KCNE3: variants seen among roughly 807,000 people sequenced by gnomAD.
KCNE3 encodes potassium voltage-gated channel subfamily E member 3.
A neutral mutation model predicts 4.3 loss-of-function variants in KCNE3; 2 were observed. The ratio of observed to expected loss-of-function variants is 0.47; its 90% confidence interval spans 0.19 to 1.48. The LOEUF is 1.48. Ranked by LOEUF, KCNE3 falls within the 40% of genes most tolerant of loss-of-function variation. The probability of loss-of-function intolerance (pLI) is 0.25; values close to 1 mark genes in which losing one functional copy is unlikely to be tolerated. For missense variants in KCNE3, 128 were observed against 136.8 expected, an observed-to-expected ratio of 0.94 and a Z score of 0.32; for synonymous variants, 47 against 52.0, an observed-to-expected ratio of 0.90 and a Z score of 0.41.
Position 74,457,399 on chromosome 11 carries a change from G to T in KCNE3, c.165C>A (p.Asp55Glu), listed in dbSNP as rs749496477. 1.2e-6 allele frequency: 2 copies of T among 1,613,988 alleles called. No homozygotes were observed. The highest frequency in any genetic ancestry group is 1.7e-4 in the Middle Eastern group (1 of 6,060). ...ERRASLPGRD[D>E]NSYMYILFVM... ...CAAAGAGAATGTACATGTAGGAGTT[G>T]TCATCACGGCCAGGTAGGCTGGCCC... The change falls in exon 3 of 3, where the codon GAC becomes GAA. Residue 55 changes from aspartate (D) to glutamate (E), a missense_variant. By Grantham distance (45) the Asp-to-Glu change is conservative (BLOSUM62 2). Transcript: ENST00000310128.
chr11:74,463,866 C>A (rs1864006731), intron 1 of KCNE3, among the ~76,000 whole-genome samples: 1 of 152,226 alleles, frequency 6.6e-6, no homozygotes, highest in Non-Finnish European at 1.5e-5. Context: ...AGCTTCACAT[C>A]ACACCAGACA....
rs1364230546 is a variant in KCNE3, at chr11:74,455,210, C to T, written c.*2042G>A. The stretch of plus-strand genomic sequence containing the variant: ...GCGGAAAGGGAAAATCACCTATAAC[C>T]CAATTCCTCAGAGATAACTGCTGTC... On this transcript the variant is annotated 3_prime_UTR_variant, in exon 3 of 3. Coordinates refer to ENST00000310128, the MANE Select transcript of KCNE3 (RefSeq NM_005472.5). The T allele has an allele frequency of 6.6e-6, 1 of 152,138 alleles. No homozygotes were observed. Among genetic ancestry groups the T allele is most frequent in the Non-Finnish European group, 1.5e-5 (1 of 68,036 alleles). The allele number at this position is 152,138 out of a possible 1,614,324, so 9.4% of individuals were successfully genotyped here.
chr11:74,461,280 T>G (rs935167282), intron 2 of KCNE3, among the ~76,000 whole-genome samples: 1 of 135,480 alleles, frequency 7.4e-6, no homozygotes, highest in African/African-American at 2.7e-5. Flanking sequence ...TAAGATGGTA[T>G]ATTTTTATGT....
Position 74,456,345 on chromosome 11 carries a change from A to G in KCNE3, c.*907T>C, listed in dbSNP as rs72552104. 1 of 149,900 alleles carries G rather than the reference A, an allele frequency of 6.7e-6. No individual in the cohort carries two copies. 9.3% of individuals were successfully genotyped at this position (149,900 alleles called of 1,614,324 possible). ...AGACTGTCTCAAAAAAAAAAAAAGA[A>G]AAGAAAAGAAAAGAAGTTTCTCACA... On this transcript the variant is annotated 3_prime_UTR_variant, in exon 3 of 3. Transcript: ENST00000310128.
chr11:74,459,117 AC>A (rs1394138866), intron 2 of KCNE3, among the ~76,000 whole-genome samples: 1 of 152,170 alleles, frequency 6.6e-6, no homozygotes, highest in Non-Finnish European at 1.5e-5. Flanking sequence ...CTTGGGGTTT[AC>A]CTGCCCACAA....
rs1863839996 is a variant in KCNE3, at chr11:74,457,294, G to A, written c.270C>T (p.Asp90=). Residue 90 remains aspartate, a synonymous_variant, in exon 3 of 3, where the codon GAC becomes GAT. Transcript: ENST00000310128. ...TRSRKVDKRS[D]PYHVYIKNRV... is the part of the protein sequence containing the mutation. ...GGTTCTTGATATACACATGATAGGG[G>A]TCACTACGCTTGTCCACTTTGCGGG... The A allele has an allele frequency of 3.7e-6, 6 of 1,614,070 alleles. No individual in the cohort carries two copies. Among genetic ancestry groups the A allele is most frequent in the Non-Finnish European group, 4.2e-6 (5 of 1,179,996 alleles).
At position 74,457,216 on chromosome 11, in the gene KCNE3, G is replaced by A; in HGVS notation, c.*36C>T. On this transcript the variant is annotated 3_prime_UTR_variant, in exon 3 of 3. Coordinates refer to ENST00000310128, the MANE Select transcript of KCNE3 (RefSeq NM_005472.5). ...CTGGAGGCCCCAGACGCAATCCCCA[G>A]GTGTCTTGGTCTTCCACCGTCCCAG... 1 of 1,598,242 alleles carries A rather than the reference G, an allele frequency of 6.3e-7. No homozygotes were observed. The highest frequency in any genetic ancestry group is 8.5e-7 in the Non-Finnish European group (1 of 1,169,754).
chr11:74,464,896 T>C (rs1407897395), intron 1 of KCNE3, among the ~76,000 whole-genome samples: 5 of 152,226 alleles, frequency 3.3e-5, no homozygotes, highest in African/African-American at 4.8e-5. Context: ...GCTCATGCTG[T>C]TTTCTTAAAC....
Position 74,455,132 on chromosome 11 carries a change from T to C in KCNE3, c.*2120A>G, listed in dbSNP as rs1382888410. ...AGAAGTACCTTTTTTCCTTTTATTATACAAGTAACATACTTACGGTCAAGT... is the reference window on the plus strand; with the variant it reads ...AGAAGTACCTTTTTTCCTTTTATTACACAAGTAACATACTTACGGTCAAGT... On this transcript the variant is annotated 3_prime_UTR_variant, in exon 3 of 3. Coordinates refer to ENST00000310128, the MANE Select transcript of KCNE3 (RefSeq NM_005472.5). 2 of 152,230 alleles carry C rather than the reference T, an allele frequency of 1.3e-5. No homozygotes were observed. The highest frequency in any genetic ancestry group is 6.5e-5 in the Admixed American group (1 of 15,280). The allele number at this position is 152,230 out of a possible 1,614,324, so 9.4% of individuals were successfully genotyped here. A position where few individuals can be genotyped will look rare whatever the true frequency, so the allele number is the denominator to read the frequency against.
chr11:74,461,538 G>T (rs535466345), intron 2 of KCNE3, among the ~76,000 whole-genome samples: 3 of 151,970 alleles, frequency 2.0e-5, no homozygotes, highest in Admixed American at 1.3e-4. Context: ...CAGGAGAACC[G>T]CTTGAACTCA....
intron 1 of KCNE3, chr11:74,462,449 G>A (rs1457396266): frequency 6.6e-6 from 1 of 152,208 alleles, no homozygotes; most frequent in African/African-American, 2.4e-5. Flanking sequence ...CCTTTCCTAA[G>A]GGTTACCTTA....
In KCNE3 at chr11:74,456,655, T is replaced by G. The variant is rs1565459655; in HGVS notation, c.*597A>C. ...GAGAGTCCCCAGAATTGTATGACCT[T>G]CAGGCCTGGATCCACTCCTGTGTAG... On this transcript the variant is annotated 3_prime_UTR_variant, in exon 3 of 3. Coordinates refer to ENST00000310128, the MANE Select transcript of KCNE3 (RefSeq NM_005472.5). 1 of 153,414 alleles carries G rather than the reference T, an allele frequency of 6.5e-6. No homozygotes were observed. The highest frequency in any genetic ancestry group is 1.5e-5 in the Non-Finnish European group (1 of 68,902). 9.5% of individuals were successfully genotyped at this position (153,414 alleles called of 1,614,324 possible).
chr11:74,458,223 G>A (rs1269786041), intron 2 of KCNE3, among the ~76,000 whole-genome samples: 2 of 152,202 alleles, frequency 1.3e-5, no homozygotes, highest in African/African-American at 4.8e-5. Flanking sequence ...GTACAACAAA[G>A]CCTTCCCTGA....
rs1471141425 is a variant in KCNE3, at chr11:74,465,687, G to C, written c.-190+1711C>G. On this transcript the variant is annotated intron_variant, in intron 1 of 2. Coordinates refer to ENST00000310128, the MANE Select transcript of KCNE3 (RefSeq NM_005472.5). ...GATTCTAATCTTGGCTGTATGCTTG[G>C]CTCTGTGTCCTTGAGCACTGCATTT... 4.6e-5 allele frequency among the ~76,000 whole-genome samples: 7 copies of C among 152,206 alleles called. No homozygotes were observed. In the East Asian group the frequency reaches 1.4e-3, roughly 29 times the overall value.
intron 1 of KCNE3, among the ~76,000 whole-genome samples, chr11:74,465,102 C>CTGTGTGTGTGTGTGTGTGTG (rs143869592): frequency 6.7e-6 from 1 of 150,044 alleles, no homozygotes; most frequent in Non-Finnish European, 1.5e-5. Context: ...TACTGAAACT[C>CTGTGTGTGTGTGTGTGTGTG]TGTGTGTGTG....
chr11:74,460,136 A>C (rs1863918803), intron 2 of KCNE3, among the ~76,000 whole-genome samples: 1 of 152,228 alleles, frequency 6.6e-6, no homozygotes, highest in Admixed American at 6.5e-5. Flanking sequence ...ATTTCATGCA[A>C]GGCCTTTGGG....
At chr11:74,465,746 AAT>A (rs1389546206) in intron 1 of KCNE3, among the ~76,000 whole-genome samples, 3 of 152,178 alleles carry the variant, frequency 2.0e-5, no homozygotes, top group Non-Finnish European at 1.5e-5. Context: ...AGATGGGGAT[AAT>A]GATCCCTGCC....
In KCNE3 at chr11:74,457,244, C is replaced by G; in HGVS notation, c.*8G>C. ...GTCTTGGTCTTCCACCGTCCCAGCCCTCTCGTGTTAGATCATAGACACACG... is the reference window on the plus strand; with the variant it reads ...GTCTTGGTCTTCCACCGTCCCAGCCGTCTCGTGTTAGATCATAGACACACG... On this transcript the variant is annotated 3_prime_UTR_variant, in exon 3 of 3. Coordinates refer to ENST00000310128, the MANE Select transcript of KCNE3 (RefSeq NM_005472.5). 1 of 1,613,130 alleles carries G rather than the reference C, an allele frequency of 6.2e-7. No homozygotes were observed. The highest frequency in any genetic ancestry group is 8.5e-7 in the Non-Finnish European group (1 of 1,179,746).
At chr11:74,461,292 T>TTG (rs4018948) in intron 2 of KCNE3, among the ~76,000 whole-genome samples, 2,987 of 148,448 alleles carry the variant, frequency 0.02, 54 homozygotes, top group African/African-American at 0.051. Context: ...TTTTTATGTT[T>TTG]TGTGTGTGTG....
Sources: gnomAD v4.1 joint callset for allele counts (sites outside exome capture counted in the v4.1 genomes callset) on GRCh38, gnomAD v4.1.1 for gene constraint, MANE v1.5 for transcripts, NCBI Gene and HGNC (gene_info 2026-07-23, HGNC 2026-07-21) for gene names.